Variants in ERCC6 observed in about 807,000 individuals in gnomAD.
ERCC6 encodes the protein ERCC excision repair 6, chromatin remodeling factor.
In ERCC6, 116 loss-of-function variants were observed where a neutral mutation model predicts 158.7. The observed-to-expected ratio is 0.73, with a 90% CI of 0.63 to 0.85. The LOEUF is 0.85. Among genes scored for constraint, ERCC6 ranks in the 40% least tolerant of loss-of-function variants. The pLI is 0.00. For synonymous variants in ERCC6, 678 were observed against 659.3 expected (o/e 1.03, Z -0.43); for missense variants, 1,698 against 1,799.4 (o/e 0.94, Z 1.02).
At chr10:49,477,593 C>T (rs534893443) in intron 11 of ERCC6, among the ~76,000 whole-genome samples, 7 of 152,238 alleles carry the variant, frequency 4.6e-5, no homozygotes, top group African/African-American at 1.2e-4. Flanking sequence ...ACTCACCTTC[C>T]GATGCCCAGG....
intron 20 of ERCC6, 151 bp downstream of exon 20, chr10:49,460,222 T>C (rs1424186100): frequency 1.0e-5 from 7 of 688,160 alleles, no homozygotes; most frequent in Non-Finnish European, 1.6e-5. Flanking sequence ...TTCAAGTGAA[T>C]GTGCATCGTA....
In ERCC6 at chr10:49,516,103, C is replaced by T. The variant is rs754070501; in HGVS notation, c.1397+7930G>A. On this transcript the variant is annotated intron_variant, in intron 5 of 20. Coordinates refer to ENST00000355832, the MANE Select transcript of ERCC6 (RefSeq NM_000124.4). Reference sequence around the variant, plus strand: ...TGTCCAGGGTGTGCCTCTGTAAGTGCCTCACTAAACTGAAGGACAAGTGAC... The same window carrying T: ...TGTCCAGGGTGTGCCTCTGTAAGTGTCTCACTAAACTGAAGGACAAGTGAC... The T allele has an allele frequency of 1.2e-6, 2 of 1,614,018 alleles. No individual in the cohort carries two copies. Among genetic ancestry groups the T allele is most frequent in the Non-Finnish European group, 1.7e-6 (2 of 1,180,006 alleles).
At chr10:49,439,450 C>T in the ERCC6 span, among the ~76,000 whole-genome samples, 2 of 152,218 alleles carry the variant, frequency 1.3e-5, no homozygotes, top group African/African-American at 4.8e-5. Context: ...AGGCTGCACA[C>T]AGCTGGGGGA....
intron 5 of ERCC6, chr10:49,517,041 A>AT (rs1564438225): frequency 6.2e-7 from 1 of 1,613,726 alleles, no homozygotes; most frequent in Admixed American, 1.7e-5. Context: ...TTGTATCACT[A>AT]TAGCACTTGC....
rs1564442625 is a variant in ERCC6, at chr10:49,524,566, T to C, written c.864A>G (p.Gln288=). Residue 288 remains glutamine (Q), a synonymous_variant, in exon 5 of 21, where the codon CAA becomes CAG. Transcript: ENST00000355832. The part of the protein sequence containing the change: ...QAKLSFERKK[Q]GCNKRAARKA... Reference sequence around the variant, plus strand: ...TTCTAGCTGCTCTTTTATTACAACCTTGCTTCTTCCTTTCAAAAGACAGTT... The same window carrying C: ...TTCTAGCTGCTCTTTTATTACAACCCTGCTTCTTCCTTTCAAAAGACAGTT... 1 of 1,614,246 alleles carries C rather than the reference T, an allele frequency of 6.2e-7. No individual in the cohort carries two copies. Among genetic ancestry groups the C allele is most frequent in the East Asian group, 2.2e-5 (1 of 44,892 alleles).
chr10:49,460,515 T>C, intron 19 of ERCC6, 64 bp from the exon 20 acceptor site: 1 of 1,114,176 alleles, frequency 9.0e-7, no homozygotes, highest in Non-Finnish European at 1.4e-6. Flanking sequence ...GATCAAAATA[T>C]TCTTTCAACA....
chr10:49,518,243 G>A (rs539626308), intron 5 of ERCC6, among the ~76,000 whole-genome samples: 11 of 152,318 alleles, frequency 7.2e-5, no homozygotes, highest in African/African-American at 2.6e-4. Context: ...TGGGACATTG[G>A]GTTGGAGTTG....
intron 10 of ERCC6, among the ~76,000 whole-genome samples, chr10:49,478,912 CAAAAGCTAACTCTGGGG>C (rs1348706182): frequency 6.6e-6 from 1 of 152,050 alleles, no homozygotes; most frequent in Non-Finnish European, 1.5e-5. Flanking sequence ...AGCTGAAGAT[CAAAAGCTAACTCTGGGG>C]AAAAGCTACA....
At chr10:49,454,136 AT>A (rs71026250), downstream of ERCC6, among the ~76,000 whole-genome samples, 9 of 151,320 alleles carry the variant, frequency 5.9e-5, no homozygotes, top group East Asian at 1.9e-4. Flanking sequence ...CTCATTTTTC[AT>A]TTTTTTTCTC....
In ERCC6 at chr10:49,455,527, G is replaced by C. The variant is rs1194003176; in HGVS notation, c.*3288C>G. ...GCAAAGCACCAAATGACAGCGTGAGGAGTGTGGTTGGTAGAACCAACACCT... is the reference window on the plus strand; with the variant it reads ...GCAAAGCACCAAATGACAGCGTGAGCAGTGTGGTTGGTAGAACCAACACCT... On this transcript the variant is annotated 3_prime_UTR_variant, in exon 21 of 21. Coordinates refer to ENST00000355832, the MANE Select transcript of ERCC6 (RefSeq NM_000124.4). The C allele has an allele frequency of 6.6e-6, 1 of 152,264 alleles. No homozygotes were observed. Among genetic ancestry groups the C allele is most frequent in the African/African-American group, 2.4e-5 (1 of 41,468 alleles). The allele number at this position is 152,264 out of a possible 1,614,324, so 9.4% of individuals were successfully genotyped here.
chr10:49,529,622 T>C lies in ERCC6; in HGVS notation c.544-1097A>G, dbSNP rs4253034. The stretch of plus-strand genomic sequence containing the variant: ...GTGAGAGAAGATGGGGTAGTGCAGG[T>C]AACAGACTGGTGAGTGGAAAGTATA... On this transcript the variant is annotated intron_variant, in intron 3 of 20. Coordinates refer to ENST00000355832, the MANE Select transcript of ERCC6 (RefSeq NM_000124.4). Among the ~76,000 whole-genome samples, 987 of 152,220 alleles carry C rather than the reference T, an allele frequency of 6.5e-3. 4 individuals are homozygous for C. Among genetic ancestry groups the C allele is most frequent in the Admixed American group, 9.3e-3 (142 of 15,290 alleles).
intron 5 of ERCC6, chr10:49,515,180 A>T: frequency 3.8e-6 from 5 of 1,309,886 alleles, no homozygotes; most frequent in Non-Finnish European, 4.8e-6. Flanking sequence ...TTACCTAGAA[A>T]AATTCAAGGA....
In ERCC6 at chr10:49,509,689, A is replaced by C. The variant is rs1590445732; in HGVS notation, c.1398-3677T>G. Among the ~76,000 whole-genome samples the C allele has an allele frequency of 2.0e-5, 3 of 152,308 alleles. No homozygotes were observed. In the Middle Eastern group the frequency reaches 0.01, roughly 518 times the overall value. ...TGGGTAAGAATTAAAATCTGGGCCAAGTGAGCTGAAATCTTAAAAATTAGA... is the reference window on the plus strand; with the variant it reads ...TGGGTAAGAATTAAAATCTGGGCCACGTGAGCTGAAATCTTAAAAATTAGA... On this transcript the variant is annotated intron_variant, in intron 5 of 20. Coordinates refer to ENST00000355832, the MANE Select transcript of ERCC6 (RefSeq NM_000124.4).
intron 10 of ERCC6, among the ~76,000 whole-genome samples, chr10:49,480,323 T>C (rs1029805818): frequency 1.3e-5 from 2 of 152,202 alleles, no homozygotes; most frequent in East Asian, 3.9e-4. Flanking sequence ...CATTTTCCCC[T>C]GTGCCCACCC....
In ERCC6 at chr10:49,460,376, G is replaced by T. The variant is rs1202958491; in HGVS notation, c.4059C>A (p.Cys1353Ter). Residue 1353 changes from cysteine to a stop codon, truncating the protein, a stop_gained, in exon 20 of 21, where the codon TGC (cysteine) becomes TGA (stop). Coordinates refer to ENST00000355832, the MANE Select transcript of ERCC6 (RefSeq NM_000124.4). LOFTEE classifies it low-confidence loss of function (END_TRUNC). ...HPSSTSPTEK[C>*]QDGIMKKEGK... Reference sequence around the variant, plus strand: ...GCAAAAAGGTTATCTATATTACCTGGCACTTCTCTGTTGGAGATGTTGATG... The same window carrying T: ...GCAAAAAGGTTATCTATATTACCTGTCACTTCTCTGTTGGAGATGTTGATG... 1 of 1,609,280 alleles carries T rather than the reference G, an allele frequency of 6.2e-7. No homozygotes were observed. Among genetic ancestry groups the T allele is most frequent in the African/African-American group, 1.3e-5 (1 of 74,888 alleles).
intron 1 of ERCC6, among the ~76,000 whole-genome samples, chr10:49,535,457 T>C (rs1306562254): frequency 1.3e-5 from 2 of 152,180 alleles, no homozygotes; most frequent in African/African-American, 2.4e-5. Flanking sequence ...GTTCCTTCTT[T>C]TGGGGCCTGC....
chr10:49,527,475 G>C (rs956913568), intron 4 of ERCC6, among the ~76,000 whole-genome samples: 1 of 152,176 alleles, frequency 6.6e-6, no homozygotes, highest in Admixed American at 6.5e-5. Flanking sequence ...AGGAGTTCGA[G>C]ACCAGCTTGG....
chr10:49,528,885 C>A (rs1837404226), intron 3 of ERCC6, among the ~76,000 whole-genome samples: 1 of 152,190 alleles, frequency 6.6e-6, no homozygotes, highest in Non-Finnish European at 1.5e-5. Context: ...CCCTAAACTA[C>A]TCTGTATTTC....
chr10:49,486,705 A>G (rs1385708052), intron 8 of ERCC6, among the ~76,000 whole-genome samples: 3 of 152,254 alleles, frequency 2.0e-5, no homozygotes, highest in African/African-American at 7.2e-5. Flanking sequence ...TCAGACCAAC[A>G]GAACAAACCA....
Sources: allele counts gnomAD v4.1 joint callset (sites outside exome capture counted in the v4.1 genomes callset), GRCh38; gene constraint gnomAD v4.1.1; transcripts MANE v1.5; gene names NCBI Gene and HGNC (gene_info 2026-07-23, HGNC 2026-07-21).